Variants in TBX19 observed in about 807,000 individuals in gnomAD.
TBX19 encodes the protein T-box transcription factor 19, also known as T-box transcription factor TBX19.
In TBX19, 33 loss-of-function variants were observed where a neutral mutation model predicts 40.9. The ratio of observed to expected loss-of-function variants is 0.81; its 90% CI spans 0.61 to 1.08. TBX19 has a LOEUF of 1.08. Ranked by LOEUF, TBX19 falls within the 50% of genes least tolerant of loss-of-function variation. The pLI, the probability that TBX19 is intolerant of heterozygous loss-of-function variation, is 0.00. For synonymous variants in TBX19, 220 were observed against 225.0 expected (o/e 0.98, Z 0.20); for missense variants, 494 against 574.0 (o/e 0.86, Z 1.42).
Position 168,313,149 on chromosome 1 carries a change from G to GGA in TBX19, c.*151_*152dup. On this transcript the variant is annotated 3_prime_UTR_variant, in exon 8 of 8. Coordinates refer to ENST00000367821, the MANE Select transcript of TBX19 (RefSeq NM_005149.3). Reference sequence around the variant, plus strand: ...GTGGGTTATTACAGAAGTCATACTGGGAGAGGGTTCAGTTTGGATGATGCT... The same window carrying GGA: ...GTGGGTTATTACAGAAGTCATACTGGGAGAGAGGGTTCAGTTTGGATGATGCT... The GGA allele has an allele frequency of 1.0e-6, 1 of 962,292 alleles. No homozygotes were observed. The highest frequency in any genetic ancestry group is 1.6e-6 in the Non-Finnish European group (1 of 629,498). 59.6% of individuals were successfully genotyped at this position (962,292 alleles called of 1,614,324 possible).
Position 168,312,937 on chromosome 1 carries a change from C to G in TBX19, c.1282C>G (p.Pro428Ala), listed in dbSNP as rs1558196606. 6.2e-7 allele frequency: 1 copy of G among 1,614,260 alleles called. No homozygotes were observed. The highest frequency in any genetic ancestry group is 8.5e-7 in the Non-Finnish European group (1 of 1,180,044). The change falls in exon 8 of 8, where the codon CCC becomes GCC. Residue 428 changes from proline to alanine, a missense_variant. Around this residue, in one of 3 missense-constraint regions of TBX19, gnomAD observed 284 missense variants for 307.3 expected, o/e 0.92. Transcript: ENST00000367821. Reference protein sequence around the residue: ...VSTWTAVASHPFAGWGGPGAG... With the variant: ...VSTWTAVASHAFAGWGGPGAG... ...CACCTGGACAGCAGTGGCCTCGCAT[C>G]CCTTCGCGGGCTGGGGTGGCCCAGG... is the stretch of plus-strand genomic sequence containing the variant.
Position 168,283,783 on chromosome 1 carries a change from G to A in TBX19, c.203+2490G>A, listed in dbSNP as rs181185479. On this transcript the variant is annotated intron_variant, in intron 1 of 7. Transcript: ENST00000367821. ...CCTTTTTCATTCATAATGTCACCTG[G>A]GCCCTTTTTCATTGACATTGTCACC... 1.6e-3 allele frequency among the ~76,000 whole-genome samples: 236 copies of A among 152,060 alleles called. 6 individuals carry two copies. The South Asian group carries it at 0.035, about 23-fold the overall frequency.
intron 5 of TBX19, among the ~76,000 whole-genome samples, chr1:168,301,281 G>C (rs974581157): frequency 2.8e-5 from 4 of 142,386 alleles, no homozygotes; most frequent in African/African-American, 1.1e-4. Flanking sequence ...TTTTTTTTTT[G>C]AGATGGAGTC....
chr1:168,282,604 C>T (rs550914440), intron 1 of TBX19, among the ~76,000 whole-genome samples: 1 of 152,268 alleles, frequency 6.6e-6, no homozygotes, highest in Non-Finnish European at 1.5e-5. Flanking sequence ...TGTATTTACA[C>T]ATTATTTTTA....
intron 6 of TBX19, among the ~76,000 whole-genome samples, chr1:168,305,573 C>T (rs1649386658): frequency 6.6e-6 from 1 of 152,134 alleles, no homozygotes; most frequent in Non-Finnish European, 1.5e-5. Context: ...TCTATAGTTG[C>T]ATTCATGGCT....
intron 7 of TBX19, among the ~76,000 whole-genome samples, chr1:168,309,135 G>A (rs1649469901): frequency 6.6e-6 from 1 of 152,156 alleles, no homozygotes; most frequent in Non-Finnish European, 1.5e-5. Flanking sequence ...CACTTTGGGA[G>A]GCCAAGGCAG....
At chr1:168,288,320 A>G (rs1383367642) in intron 1 of TBX19, among the ~76,000 whole-genome samples, 2 of 151,702 alleles carry the variant, frequency 1.3e-5, no homozygotes, top group African/African-American at 4.9e-5. Flanking sequence ...TTCTTTTCAA[A>G]TTTTTCAATT....
intron 3 of TBX19, among the ~76,000 whole-genome samples, chr1:168,294,005 T>C (rs1012942573): frequency 6.6e-6 from 1 of 152,192 alleles, no homozygotes; most frequent in African/African-American, 2.4e-5. Flanking sequence ...AGGGTAAAGC[T>C]ATACGGGTTT....
intron 1 of TBX19, among the ~76,000 whole-genome samples, chr1:168,288,406 GA>G (rs1648855558): frequency 1.3e-5 from 2 of 152,192 alleles, no homozygotes; most frequent in Admixed American, 1.3e-4. Context: ...ATTATCATTA[GA>G]AAAACAATCT....
At chr1:168,296,599 G>C (rs1179193732) in intron 3 of TBX19, among the ~76,000 whole-genome samples, 1 of 152,058 alleles carries the variant, frequency 6.6e-6, no homozygotes, top group East Asian at 1.9e-4. Context: ...CCCACAACAC[G>C]TGGGAATTAT....
chr1:168,294,646 C>A (rs558196342), intron 3 of TBX19, among the ~76,000 whole-genome samples: 1 of 152,258 alleles, frequency 6.6e-6, no homozygotes, highest in South Asian at 2.1e-4. Context: ...GGACTACAGA[C>A]ATGCACCACC....
intron 7 of TBX19, among the ~76,000 whole-genome samples, chr1:168,311,558 G>A (rs761132044): frequency 2.6e-5 from 4 of 152,162 alleles, no homozygotes; most frequent in African/African-American, 7.2e-5. Context: ...ATGGCACCAG[G>A]TGAAGGATGG....
Position 168,298,827 on chromosome 1 carries a change from CTTTCTTTCTTT to C in TBX19, c.665+1043_665+1053del, listed in dbSNP as rs1247425208. The stretch of plus-strand genomic sequence containing the variant: ...CCTCCCTCCCTCCCTCCCTTCCTTT[CTTTCTTTCTTT>C]CTTTCTTTCTTTCTTTCTTTCTTTC... On this transcript the variant is annotated intron_variant, in intron 4 of 7. Transcript: ENST00000367821. Among the ~76,000 whole-genome samples the C allele has an allele frequency of 2.0e-3, 34 of 17,182 alleles. 4 individuals are homozygous for C. The highest frequency in any genetic ancestry group is 0.011 in the African/African-American group (34 of 2,978). The allele number at this position is 17,182 out of a possible 152,430, so 11.3% of individuals were successfully genotyped here.
intron 1 of TBX19, among the ~76,000 whole-genome samples, chr1:168,282,494 G>T (rs920232005): frequency 6.6e-6 from 1 of 152,120 alleles, no homozygotes; most frequent in African/African-American, 2.4e-5. Flanking sequence ...AACCTTGCTT[G>T]ATTTTTATAT....
At chr1:168,293,019 T>TTGAAATGTG in intron 2 of TBX19, 125 bp from the exon 3 acceptor site, 1 of 1,535,116 alleles carries the variant, frequency 6.5e-7, no homozygotes, top group Non-Finnish European at 8.9e-7. Context: ...GGCCTAGGAT[T>TTGAAATGTG]TGAAATGTGT....
chr1:168,313,156 G>T lies in TBX19; in HGVS notation c.*154G>T. Reference sequence around the variant, plus strand: ...ATTACAGAAGTCATACTGGGAGAGGGTTCAGTTTGGATGATGCTAGTTAGA... The same window carrying T: ...ATTACAGAAGTCATACTGGGAGAGGTTTCAGTTTGGATGATGCTAGTTAGA... On this transcript the variant is annotated 3_prime_UTR_variant, in exon 8 of 8. Coordinates refer to ENST00000367821, the MANE Select transcript of TBX19 (RefSeq NM_005149.3). 1.1e-6 allele frequency: 1 copy of T among 890,870 alleles called. No individual in the cohort carries two copies. The highest frequency in any genetic ancestry group is 1.6e-5 in the South Asian group (1 of 64,318). 55.2% of individuals were successfully genotyped at this position (890,870 alleles called of 1,614,324 possible).
chr1:168,291,060 A>G, intron 1 of TBX19, 100 bp from the exon 2 acceptor site: 1 of 1,543,774 alleles, frequency 6.5e-7, no homozygotes, highest in South Asian at 1.1e-5. Context: ...GCCTCCTCAC[A>G]GGGCATTCCG....
rs1455987842 is a variant in TBX19, at chr1:168,297,746, A to G, written c.626A>G (p.Tyr209Cys). The part of the protein sequence containing the change: ...NEEITALKIK[Y>C]NPFAKAFLDA... The stretch of plus-strand genomic sequence containing the variant: ...AAGATAACGGCTCTCAAAATCAAGT[A>G]CAATCCTTTTGCCAAAGCCTTCTTG... Residue 209 changes from tyrosine (Y) to cysteine (C), a missense_variant, in exon 4 of 8, where the codon TAC becomes TGC. Physicochemically the swap from Tyr to Cys is radical, Grantham distance 194 (BLOSUM62 -2). This residue lies in a region of TBX19 where 284 missense variants were observed against 307.3 expected (regional missense o/e 0.92). Coordinates refer to ENST00000367821, the MANE Select transcript of TBX19 (RefSeq NM_005149.3). 1.2e-6 allele frequency: 2 copies of G among 1,614,120 alleles called. No individual in the cohort carries two copies. Among genetic ancestry groups the G allele is most frequent in the Non-Finnish European group, 1.7e-6 (2 of 1,180,026 alleles).
intron 2 of TBX19, among the ~76,000 whole-genome samples, chr1:168,292,911 C>CCACCCCT (rs1648982201): frequency 6.6e-6 from 1 of 151,660 alleles, no homozygotes; most frequent in South Asian, 2.1e-4. Flanking sequence ...CTCTGACAAC[C>CCACCCCT]CACCCCTCAC....
Sources: gnomAD v4.1 joint callset for allele counts (sites outside exome capture counted in the v4.1 genomes callset) on GRCh38, gnomAD v4.1.1 for gene constraint, gnomAD v4.1.1 regional missense constraint, MANE v1.5 for transcripts, NCBI Gene and HGNC (gene_info 2026-07-23, HGNC 2026-07-21) for gene names.